IL3RA: variants seen among roughly 807,000 people sequenced by gnomAD.
The protein encoded by IL3RA is interleukin 3 receptor subunit alpha.
A neutral mutation model predicts 52.3 loss-of-function variants in IL3RA; 73 were observed. The ratio of observed to expected loss-of-function variants is 1.40; its 90% CI spans 1.16 to 1.70. The LOEUF (loss-of-function observed/expected upper bound fraction) is 1.70. IL3RA is among the 40% of genes most tolerant of loss of function. IL3RA has a pLI of 0.00. For synonymous variants in IL3RA, 260 were observed against 194.0 expected (o/e 1.34, Z -2.83); for missense variants, 664 against 504.4 (o/e 1.32, Z -3.03).
intron 10 of IL3RA, among the ~76,000 whole-genome samples, chrX:1,380,011 C>T (rs1236226551): frequency 1.1e-4 from 16 of 150,536 alleles, no homozygotes; most frequent in African/African-American, 1.7e-4. Context: ...CCACCCGCCT[C>T]GGCCTCCCAA....
rs572755334 is a variant in IL3RA, at chrX:1,357,104, C to T, written c.732+768C>T. 1.0e-3 allele frequency among the ~76,000 whole-genome samples: 154 copies of T among 152,092 alleles called. 1 individual carries two copies. The South Asian group carries it at 0.032, about 31-fold the overall frequency. On this transcript the variant is annotated intron_variant, in intron 7 of 11. Transcript: ENST00000331035. ...AGTAGCTGGGATTATGGGCACCCAT[C>T]ACCACACCCAGCTAAGTTTTTGTAT...
At position 1,382,257 on chromosome X, in the gene IL3RA, T is replaced by C. The variant is rs112103095; in HGVS notation, c.1063-134T>C. 3.5e-3 allele frequency: 615 copies of C among 176,258 alleles called. 5 individuals are homozygous for C. Among genetic ancestry groups the C allele is most frequent in the African/African-American group, 6.3e-3 (107 of 16,872 alleles). The allele number at this position is 176,258 out of a possible 1,614,324, so 10.9% of individuals were successfully genotyped here. A position where few individuals can be genotyped will look rare whatever the true frequency, so the allele number is the denominator to read the frequency against. ...ACCCACCGCGCCTGGCCCAAAGTGC[T>C]GGGATGACAGGCGTGAGACACCATG... On this transcript the variant is annotated intron_variant, in intron 11 of 11. Transcript: ENST00000331035.
At chrX:1,378,217 A>AT (rs1467892157) in intron 9 of IL3RA, among the ~76,000 whole-genome samples, 2 of 151,808 alleles carry the variant, frequency 1.3e-5, no homozygotes, top group Non-Finnish European at 2.9e-5. Flanking sequence ...AAAAGAAAAA[A>AT]TTAACACACA....
Position 1,345,299 on chromosome X carries a change from A to G in IL3RA, c.65-17A>G, listed in dbSNP as rs777094076. The G allele has an allele frequency of 8.3e-6, 13 of 1,575,228 alleles. No homozygotes were observed. In the African/African-American group the frequency reaches 1.1e-4, roughly 13 times the overall value. ...TTCTTACGTATCTCTTCGAACTCCA[A>G]CCTGTCACCGTTTTAGATCCAAACC... is the stretch of plus-strand genomic sequence containing the variant. On this transcript the variant is annotated splice_polypyrimidine_tract_variant and intron_variant, in intron 2 of 11. Coordinates refer to ENST00000331035, the MANE Select transcript of IL3RA (RefSeq NM_002183.4).
In IL3RA at chrX:1,381,028, T is replaced by C; in HGVS notation, c.986T>C (p.Leu329Pro). 13 of 1,613,762 alleles carry C rather than the reference T, an allele frequency of 8.1e-6. No homozygotes were observed. The highest frequency in any genetic ancestry group is 1.0e-5 in the Non-Finnish European group (12 of 1,179,696). ...CCATTTCTCTTTCCTCCGAGGTATC[T>C]GGTGATGCAGAGACTCTTTCCCCGC... is the stretch of plus-strand genomic sequence containing the variant. ...VCVFVICRRY[L>P]VMQRLFPRIP... The change falls in exon 11 of 12, where the codon CTG becomes CCG. Residue 329 changes from leucine to proline, a missense_variant. Leu to Pro is a moderately conservative substitution (Grantham distance 98). Coordinates refer to ENST00000331035, the MANE Select transcript of IL3RA (RefSeq NM_002183.4).
Position 1,356,172 on chromosome X carries a change from A to T in IL3RA, c.617-49A>T, listed in dbSNP as rs1490157101. On this transcript the variant is annotated intron_variant, in intron 6 of 11. Transcript: ENST00000331035. ...AAAAAAAAAGAGAAAAAGAAAAAGA[A>T]TTGATTTCTTGTACTCCTAAATCCT... is the stretch of plus-strand genomic sequence containing the variant. The T allele has an allele frequency of 2.6e-6, 3 of 1,160,978 alleles. No homozygotes were observed. The African/African-American group carries it at 4.7e-5, about 18-fold the overall frequency. The allele number at this position is 1,160,978 out of a possible 1,614,324, so 71.9% of individuals were successfully genotyped here. A position where few individuals can be genotyped will look rare whatever the true frequency, so the allele number is the denominator to read the frequency against.
At chrX:1,356,698 G>A (rs1224217262) in intron 7 of IL3RA, among the ~76,000 whole-genome samples, 8 of 151,912 alleles carry the variant, frequency 5.3e-5, no homozygotes, top group Non-Finnish European at 1.0e-4. Context: ...CTTGAACCCA[G>A]GAGGTGGGGG....
At chrX:1,366,712 G>A (rs1196569659) in intron 9 of IL3RA, among the ~76,000 whole-genome samples, 11 of 10,070 alleles carry the variant, frequency 1.1e-3, no homozygotes, top group Non-Finnish European at 1.7e-3. Context: ...GGGGTGAGCG[G>A]GGTGCGCGGA....
At chrX:1,341,390 C>T (rs1403766204) in intron 1 of IL3RA, among the ~76,000 whole-genome samples, 2 of 152,040 alleles carry the variant, frequency 1.3e-5, no homozygotes, top group African/African-American at 4.8e-5. Context: ...AGCACACACA[C>T]ACACAGACAC....
chrX:1,352,535 C>G (rs1483019613), intron 6 of IL3RA, 29 bp downstream of exon 6: 4 of 1,604,668 alleles, frequency 2.5e-6, no homozygotes, highest in Admixed American at 3.4e-5. Context: ...TCCCTCCCAC[C>G]CTCAGTTCTG....
intron 10 of IL3RA, among the ~76,000 whole-genome samples, chrX:1,380,562 AGGCGAGGGGGAGGG>A (rs2089120917): frequency 1.1e-4 from 2 of 18,282 alleles, no homozygotes; most frequent in Admixed American, 4.6e-4. Flanking sequence ...GGGGGAGGAG[AGGCGAGGGGGAGGG>A]TGGGGGAGGG....
Position 1,382,479 on chromosome X carries a change from G to C in IL3RA, c.*14G>C. ...CAGAAAACTTGAGACTGGGGTTCAG[G>C]GCTTGTGGGGGTCTGCCTCAATCTC... On this transcript the variant is annotated 3_prime_UTR_variant, in exon 12 of 12. Transcript: ENST00000331035. The C allele has an allele frequency of 6.2e-7, 1 of 1,612,260 alleles. No homozygotes were observed. The highest frequency in any genetic ancestry group is 8.5e-7 in the Non-Finnish European group (1 of 1,178,598).
At chrX:1,380,662 AG>A (rs1271669955) in intron 10 of IL3RA, among the ~76,000 whole-genome samples, 3 of 28,308 alleles carry the variant, frequency 1.1e-4, no homozygotes, top group Admixed American at 4.9e-4. Context: ...AGGGAGGGGT[AG>A]GGGGGAAGGG....
At chrX:1,364,206 T>C (rs1227379599) in intron 8 of IL3RA, among the ~76,000 whole-genome samples, 3 of 135,476 alleles carry the variant, frequency 2.2e-5, no homozygotes, top group Admixed American at 7.5e-5. Flanking sequence ...AAAAATTTTT[T>C]TTTGGCTGGA....
At chrX:1,357,454 G>C (rs751607065) in intron 7 of IL3RA, among the ~76,000 whole-genome samples, 1 of 151,800 alleles carries the variant, frequency 6.6e-6, no homozygotes, top group Non-Finnish European at 1.5e-5. Context: ...TCCGCCTCTC[G>C]GGTTCAACCA....
intron 3 of IL3RA, among the ~76,000 whole-genome samples, chrX:1,347,538 G>GA (rs1186934915): frequency 6.6e-6 from 1 of 151,190 alleles, no homozygotes; most frequent in Non-Finnish European, 1.5e-5. Flanking sequence ...AGAATTGCTT[G>GA]AACCCGAGAG....
chrX:1,362,616 T>C (rs1177398739), intron 8 of IL3RA, among the ~76,000 whole-genome samples: 5 of 152,104 alleles, frequency 3.3e-5, no homozygotes, highest in African/African-American at 1.2e-4. Context: ...TCTATCTCCG[T>C]CCTCCTGTAT....
At chrX:1,357,564 A>G (rs2086834535) in intron 7 of IL3RA, among the ~76,000 whole-genome samples, 1 of 150,312 alleles carries the variant, frequency 6.7e-6, no homozygotes, top group African/African-American at 2.4e-5. Flanking sequence ...GGGTTTCACC[A>G]TCTTGTCCTG....
Position 1,362,769 on chromosome X carries a change from TTTTA to T in IL3RA, c.760-2349_760-2346del, listed in dbSNP as rs757287987. On this transcript the variant is annotated intron_variant, in intron 8 of 11. Coordinates refer to ENST00000331035, the MANE Select transcript of IL3RA (RefSeq NM_002183.4). The stretch of plus-strand genomic sequence containing the variant: ...CTTCTCCTCTGCATCCGTGTCTCCT[TTTTA>T]TTTATTTATTTATTTATTTTGAGAC... Among the ~76,000 whole-genome samples, 72 of 149,282 alleles carry T rather than the reference TTTTA, an allele frequency of 4.8e-4. No individual in the cohort carries two copies. The South Asian group carries it at 9.0e-3, about 19-fold the overall frequency.
Sources: allele counts gnomAD v4.1 joint callset (sites outside exome capture counted in the v4.1 genomes callset), GRCh38; gene constraint gnomAD v4.1.1; transcripts MANE v1.5; gene names NCBI Gene and HGNC (gene_info 2026-07-23, HGNC 2026-07-21).